Variants in PRKN observed in about 807,000 individuals in gnomAD.
PRKN encodes E3 ubiquitin-protein ligase parkin.
PRKN carries 56 observed loss-of-function variants against 59.5 expected under a neutral mutation model. The ratio of observed to expected loss-of-function variants is 0.94; its 90% CI spans 0.76 to 1.18. PRKN has a LOEUF of 1.18. Among genes scored for constraint, PRKN ranks in the 50% most tolerant of loss-of-function variants. The pLI, the probability that PRKN is intolerant of heterozygous loss-of-function variation, is 0.00. For missense variants in PRKN, 657 were observed against 596.4 expected (o/e 1.10, Z -1.06); for synonymous variants, 250 against 222.1 (o/e 1.13, Z -1.12).
Position 161,350,188 on chromosome 6 carries a change from G to T in PRKN, c.1309C>A (p.Pro437Thr), listed in dbSNP as rs759692468. The T allele has an allele frequency of 6.2e-7, 1 of 1,613,412 alleles. No homozygotes were observed. Among genetic ancestry groups the T allele is most frequent in the South Asian group, 1.1e-5 (1 of 91,028 alleles). The change falls in exon 12 of 12, where the codon CCG becomes ACG. Residue 437 changes from proline to threonine, a missense_variant. Coordinates refer to ENST00000366898, the MANE Select transcript of PRKN (RefSeq NM_004562.3). The stretch of plus-strand genomic sequence containing the variant: ...CACTCGAGCCTGCACTGGGGCTGCG[G>T]ACACTTCATGTGCATGCAGCCTCCT... The part of the protein sequence containing the change: ...KNGGCMHMKC[P>T]QPQCRLEWCW...
intron 6 of PRKN, among the ~76,000 whole-genome samples, chr6:161,854,063 T>C (rs1030286950): frequency 1.4e-5 from 2 of 143,640 alleles, no homozygotes; most frequent in Non-Finnish European, 3.0e-5. Context: ...CTGGCCATCA[T>C]GGTGAAACCC....
At chr6:162,107,838 T>C (rs909538245) in intron 4 of PRKN, among the ~76,000 whole-genome samples, 1 of 152,152 alleles carries the variant, frequency 6.6e-6, no homozygotes, top group Non-Finnish European at 1.5e-5. Flanking sequence ...TTCCTATTTC[T>C]TACTCCCAAG....
At chr6:161,580,711 C>T (rs1450786331) in intron 7 of PRKN, among the ~76,000 whole-genome samples, 1 of 151,886 alleles carries the variant, frequency 6.6e-6, no homozygotes, top group African/African-American at 2.4e-5. Context: ...ATTTCTTGAT[C>T]TCATGATCCA....
Position 161,799,783 on chromosome 6 carries a change from T to G in PRKN, c.735-13875A>C, listed in dbSNP as rs140829889. ...GGTGCACTGCCCATGCTGGGTGGCC[T>G]GGGAAGGCCTGGGGATGGGACATTT... On this transcript the variant is annotated intron_variant, in intron 6 of 11. Transcript: ENST00000366898. Among the ~76,000 whole-genome samples, 1,488 of 152,326 alleles carry G rather than the reference T, an allele frequency of 9.8e-3. 30 individuals carry two copies. The highest frequency in any genetic ancestry group is 0.039 in the South Asian group (189 of 4,828).
chr6:162,427,010 A>G (rs1026821731), intron 2 of PRKN, among the ~76,000 whole-genome samples: 8 of 152,238 alleles, frequency 5.3e-5, no homozygotes, highest in Non-Finnish European at 1.0e-4. Flanking sequence ...TTCACATTTT[A>G]AAACCATCAC....
intron 6 of PRKN, among the ~76,000 whole-genome samples, chr6:161,868,043 G>C (rs1212014997): frequency 6.6e-6 from 1 of 151,706 alleles, no homozygotes; most frequent in East Asian, 2.0e-4. Context: ...TTACAGGGGT[G>C]AGCCATTGCG....
intron 6 of PRKN, among the ~76,000 whole-genome samples, chr6:161,876,815 G>A (rs1166080481): frequency 6.6e-6 from 1 of 151,934 alleles, no homozygotes; most frequent in South Asian, 2.1e-4. Flanking sequence ...TAGACTAATT[G>A]ATCTCCTCAA....
rs901318221 is a variant in PRKN at position 161,503,054 on chromosome 6, A to G, written c.1083+45800T>C. On this transcript the variant is annotated intron_variant, in intron 9 of 11. Transcript: ENST00000366898. The surrounding 1 kb of genome is among the most constrained non-coding windows in gnomAD (Gnocchi z 5.1). ...TTCTTAATATGTTGGAAATCTTACT[A>G]TTTTATGGTTGATGAACGAATGGTT... is the stretch of plus-strand genomic sequence containing the variant. Among the ~76,000 whole-genome samples, 2 of 152,134 alleles carry G rather than the reference A, an allele frequency of 1.3e-5. No homozygotes were observed. The highest frequency in any genetic ancestry group is 4.1e-4 in the South Asian group (2 of 4,834).
chr6:161,684,013 T>A (rs1785466612), intron 7 of PRKN, among the ~76,000 whole-genome samples: 1 of 152,182 alleles, frequency 6.6e-6, no homozygotes, highest in Admixed American at 6.5e-5. Context: ...AATCTTAGCA[T>A]GGAAACACCC....
intron 7 of PRKN, among the ~76,000 whole-genome samples, chr6:161,616,347 G>A (rs1248885663): frequency 1.3e-5 from 2 of 151,620 alleles, no homozygotes; most frequent in African/African-American, 2.4e-5. Flanking sequence ...CTGCTGAAGG[G>A]AAAATTAGTG....
In PRKN at chr6:161,549,875, G is replaced by A. The variant is rs1456160886; in HGVS notation, c.934-872C>T. Among the ~76,000 whole-genome samples the A allele has an allele frequency of 2.6e-5, 4 of 152,134 alleles. No individual in the cohort carries two copies. Among genetic ancestry groups the A allele is most frequent in the African/African-American group, 4.8e-5 (2 of 41,432 alleles). On this transcript the variant is annotated intron_variant, in intron 8 of 11. Coordinates refer to ENST00000366898, the MANE Select transcript of PRKN (RefSeq NM_004562.3). The surrounding 1 kb of genome is among the most constrained non-coding windows in gnomAD (Gnocchi z 6.0). ...CAGCAGTGAATGAACAAACTTCTCC[G>A]CCTTCATCCACAGCACTGTAACAGT...
intron 6 of PRKN, among the ~76,000 whole-genome samples, chr6:161,838,712 G>C (rs971041019): frequency 1.3e-5 from 2 of 152,230 alleles, no homozygotes; most frequent in Non-Finnish European, 2.9e-5. Flanking sequence ...GGCTGGCCCA[G>C]TGCCACATAC....
At position 161,444,708 on chromosome 6, in the gene PRKN, G is replaced by A. The variant is rs188265579; in HGVS notation, c.1084-57831C>T. 4.1e-3 allele frequency among the ~76,000 whole-genome samples: 618 copies of A among 152,348 alleles called. 3 individuals are homozygous for A. The highest frequency in any genetic ancestry group is 0.014 in the African/African-American group (594 of 41,576). ...GCGAGCTTTGCACGAGCGCTACCGC[G>A]TGGCGGTGGAAACATTTGTTCCCCT... On this transcript the variant is annotated intron_variant, in intron 9 of 11. Coordinates refer to ENST00000366898, the MANE Select transcript of PRKN (RefSeq NM_004562.3). The surrounding 1 kb of genome is among the most constrained non-coding windows in gnomAD (Gnocchi z 5.6).
chr6:162,560,853 C>CAAAAAAAAAAAA (rs60391138), intron 1 of PRKN, among the ~76,000 whole-genome samples: 2,461 of 56,078 alleles, frequency 0.044, 643 homozygotes, highest in African/African-American at 0.15. Context: ...GAGAGAGAGG[C>CAAAAAAAAAAAA]AAAAAAAAAA....
intron 2 of PRKN, among the ~76,000 whole-genome samples, chr6:162,385,111 T>A (rs1039390717): frequency 2.0e-5 from 3 of 152,100 alleles, no homozygotes; most frequent in South Asian, 2.1e-4. Context: ...ATTATCTTTT[T>A]AAAAAACCTG....
chr6:162,120,006 GT>G (rs1368155771), intron 4 of PRKN, among the ~76,000 whole-genome samples: 2 of 152,126 alleles, frequency 1.3e-5, no homozygotes, highest in Admixed American at 1.3e-4. Context: ...GAAGTTCTCT[GT>G]TTTGTTGTTG....
At chr6:161,938,988 G>A (rs1361739911) in intron 6 of PRKN, among the ~76,000 whole-genome samples, 3 of 152,142 alleles carry the variant, frequency 2.0e-5, no homozygotes, top group Admixed American at 1.3e-4. Context: ...TTGCCTGAGA[G>A]TCATGACTTT....
At chr6:162,547,162 T>C (rs1201386942) in intron 1 of PRKN, among the ~76,000 whole-genome samples, 2 of 152,162 alleles carry the variant, frequency 1.3e-5, no homozygotes, top group East Asian at 1.9e-4. Flanking sequence ...TTGCCTATTA[T>C]GTTTCTGGTA....
At chr6:161,762,292 T>C (rs1412785712) in intron 7 of PRKN, among the ~76,000 whole-genome samples, 1 of 152,146 alleles carries the variant, frequency 6.6e-6, no homozygotes, top group African/African-American at 2.4e-5. Context: ...CAATGAGGAA[T>C]TTTGAGGTTC....
Sources: allele counts gnomAD v4.1 joint callset (sites outside exome capture counted in the v4.1 genomes callset), GRCh38; gene constraint gnomAD v4.1.1; non-coding constraint Gnocchi (gnomAD v3.1); transcripts MANE v1.5; gene names NCBI Gene and HGNC (gene_info 2026-07-23, HGNC 2026-07-21).